The following DPYD variants were observed in gnomAD, a reference collection of about 807,000 sequenced individuals.
The protein encoded by DPYD is dihydropyrimidine dehydrogenase.
Under a neutral mutation model 116.2 loss-of-function variants are expected in DPYD, and 109 were observed. The observed-to-expected ratio is 0.94, with a 90% CI of 0.80 to 1.10. The LOEUF is 1.10. DPYD is among the 50% of genes least tolerant of loss of function. The pLI is 0.00. For synonymous variants in DPYD, 440 were observed against 432.0 expected (o/e 1.02, Z -0.23); for missense variants, 1,302 against 1,254.5 (o/e 1.04, Z -0.57).
intron 20 of DPYD, among the ~76,000 whole-genome samples, chr1:97,122,968 A>AGGTT (rs1185787279): frequency 1.3e-5 from 2 of 152,110 alleles, no homozygotes; most frequent in Non-Finnish European, 2.9e-5. Context: ...ATTAAATATA[A>AGGTT]GGTTGCCTAT....
chr1:97,143,730 C>A (rs1471909730), intron 20 of DPYD, among the ~76,000 whole-genome samples: 1 of 152,154 alleles, frequency 6.6e-6, no homozygotes, highest in Non-Finnish European at 1.5e-5. Context: ...TTACCTCACA[C>A]TTTTAGTGTC....
chr1:97,284,904 A>G (rs928710302), intron 18 of DPYD, among the ~76,000 whole-genome samples: 2 of 151,982 alleles, frequency 1.3e-5, no homozygotes, highest in Non-Finnish European at 2.9e-5. Flanking sequence ...TCCATTTCCC[A>G]CGTATTTTCC....
chr1:97,728,739 A>C (rs1446354484), intron 4 of DPYD, among the ~76,000 whole-genome samples: 2 of 152,096 alleles, frequency 1.3e-5, no homozygotes, highest in Non-Finnish European at 2.9e-5. Context: ...TCAAGCTGTA[A>C]TGGTGAATGT....
At chr1:97,323,909 A>T (rs1558031418) in intron 16 of DPYD, among the ~76,000 whole-genome samples, 1 of 151,836 alleles carries the variant, frequency 6.6e-6, no homozygotes, top group Non-Finnish European at 1.5e-5. Flanking sequence ...CTTTGAAAAG[A>T]GGGTCTTACT....
At chr1:97,441,318 A>C (rs10875089) in intron 14 of DPYD, among the ~76,000 whole-genome samples, 102 of 151,944 alleles carry the variant, frequency 6.7e-4, no homozygotes, top group African/African-American at 2.4e-3. Context: ...AACTTCCTTC[A>C]GGGACTCTAA....
intron 11 of DPYD, among the ~76,000 whole-genome samples, chr1:97,555,851 C>T (rs542077737): frequency 6.6e-6 from 1 of 152,156 alleles, no homozygotes; most frequent in South Asian, 2.1e-4. Context: ...TATATCCACT[C>T]TCTTCTCTAT....
intron 19 of DPYD, among the ~76,000 whole-genome samples, chr1:97,222,188 G>A (rs530507583): frequency 8.5e-5 from 13 of 152,196 alleles, no homozygotes; most frequent in Admixed American, 2.6e-4. Context: ...AAGTCAGACC[G>A]TTAATTAGTC....
chr1:97,626,569 C>T (rs548697767), intron 8 of DPYD, among the ~76,000 whole-genome samples: 2 of 152,188 alleles, frequency 1.3e-5, no homozygotes, highest in South Asian at 4.1e-4. Flanking sequence ...CTACTCCCAT[C>T]TATAGTTTCT....
chr1:97,728,780 C>G (rs1374478888), intron 4 of DPYD, among the ~76,000 whole-genome samples: 1 of 152,064 alleles, frequency 6.6e-6, no homozygotes, highest in Non-Finnish European at 1.5e-5. Flanking sequence ...TAGAAAATGT[C>G]TCTAGCACCA....
chr1:97,347,536 T>C (rs1288012433), intron 16 of DPYD, among the ~76,000 whole-genome samples: 1 of 152,070 alleles, frequency 6.6e-6, no homozygotes. Flanking sequence ...ATTCTGCATG[T>C]TAACATTTTG....
chr1:97,288,251 C>T (rs1051490525), intron 18 of DPYD, among the ~76,000 whole-genome samples: 2 of 145,708 alleles, frequency 1.4e-5, no homozygotes, highest in Admixed American at 6.8e-5. Flanking sequence ...AATTTAACAC[C>T]CCACTGTCAA....
chr1:97,475,870 T>C (rs1193639632), intron 13 of DPYD, among the ~76,000 whole-genome samples: 1 of 152,218 alleles, frequency 6.6e-6, no homozygotes, highest in Non-Finnish European at 1.5e-5. Flanking sequence ...AGTTAATACC[T>C]GATCCAAGAT....
At position 97,517,998 on chromosome 1, in the gene DPYD, T is replaced by C. The variant is rs971586218; in HGVS notation, c.1525-2057A>G. Among the ~76,000 whole-genome samples the C allele has an allele frequency of 2.6e-5, 4 of 152,180 alleles. No individual in the cohort carries two copies. The South Asian group carries it at 6.2e-4, about 24-fold the overall frequency. ...AGGCAACAGCCCAAGGAGGCAGATATATGTGTAGTTCAACTTGCATTGCTT... is the reference window on the plus strand; with the variant it reads ...AGGCAACAGCCCAAGGAGGCAGATACATGTGTAGTTCAACTTGCATTGCTT... On this transcript the variant is annotated intron_variant, in intron 12 of 22. Transcript: ENST00000370192.
chr1:97,907,198 T>G (rs1673677686), intron 1 of DPYD, among the ~76,000 whole-genome samples: 1 of 152,146 alleles, frequency 6.6e-6, no homozygotes, highest in African/African-American at 2.4e-5. Context: ...ATTTCACATT[T>G]AATATTTTCA....
intron 19 of DPYD, among the ~76,000 whole-genome samples, chr1:97,196,699 G>C (rs1356890572): frequency 6.6e-6 from 1 of 152,178 alleles, no homozygotes; most frequent in Non-Finnish European, 1.5e-5. Context: ...GGTGAGGAAA[G>C]TGAGTCTTAG....
chr1:97,169,250 T>C (rs1012436561), intron 20 of DPYD, among the ~76,000 whole-genome samples: 4 of 152,178 alleles, frequency 2.6e-5, no homozygotes, highest in African/African-American at 9.7e-5. Flanking sequence ...ATTTTACAGT[T>C]TTACATTTAC....
intron 16 of DPYD, among the ~76,000 whole-genome samples, chr1:97,314,123 A>T (rs574805143): frequency 6.6e-6 from 1 of 152,038 alleles, no homozygotes; most frequent in East Asian, 2.0e-4. Flanking sequence ...AAATACTTGG[A>T]GAGAACTGTC....
At chr1:97,444,245 T>C (rs1159572716) in intron 14 of DPYD, among the ~76,000 whole-genome samples, 1 of 152,208 alleles carries the variant, frequency 6.6e-6, no homozygotes, top group Non-Finnish European at 1.5e-5. Context: ...CACATATTCT[T>C]AATTTCTCAG....
At chr1:97,250,457 C>G (rs1230208849) in intron 18 of DPYD, among the ~76,000 whole-genome samples, 1 of 151,904 alleles carries the variant, frequency 6.6e-6, no homozygotes, top group African/African-American at 2.4e-5. Flanking sequence ...ACAGCCTTAC[C>G]CATAACAGCT....
Sources: allele counts gnomAD v4.1 joint callset (sites outside exome capture counted in the v4.1 genomes callset), GRCh38; gene constraint gnomAD v4.1.1; transcripts MANE v1.5; gene names NCBI Gene and HGNC (gene_info 2026-07-23, HGNC 2026-07-21).